Variants in BICDL1 observed in about 807,000 individuals in gnomAD.
BICDL1 encodes the protein BICD family like cargo adaptor 1, also known as BICD family-like cargo adapter 1.
A neutral mutation model predicts 76.8 loss-of-function variants in BICDL1; 20 were observed. The ratio of observed to expected loss-of-function variants is 0.26; its 90% CI spans 0.18 to 0.38. The LOEUF is 0.38. Among genes scored for constraint, BICDL1 ranks in the 10% least tolerant of loss-of-function variants. The probability of loss-of-function intolerance (pLI) is 1.00; values close to 1 mark genes in which losing one functional copy is unlikely to be tolerated. For missense variants in BICDL1, 700 were observed against 798.6 expected, an observed-to-expected ratio of 0.88 and a Z score of 1.49; for synonymous variants, 383 against 337.1, an observed-to-expected ratio of 1.14 and a Z score of -1.49.
chr12:120,077,395 C>T (rs2138969908), intron 7 of BICDL1, among the ~76,000 whole-genome samples: 1 of 152,288 alleles, frequency 6.6e-6, no homozygotes, highest in South Asian at 2.1e-4. Flanking sequence ...AAGTGGCCCA[C>T]CCCTCACCTC....
At position 120,071,298 on chromosome 12, in the gene BICDL1, C is replaced by A. The variant is rs912100382; in HGVS notation, c.910-324C>A. Among the ~76,000 whole-genome samples, 1 of 151,582 alleles carries A rather than the reference C, an allele frequency of 6.6e-6. No individual in the cohort carries two copies. Among genetic ancestry groups the A allele is most frequent in the African/African-American group, 2.4e-5 (1 of 41,240 alleles). ...CTGGGATTTCAGGTACCCGCCACCACGCCCAGCTAATTTTTGTATTTTTAG... is the reference window on the plus strand; with the variant it reads ...CTGGGATTTCAGGTACCCGCCACCAAGCCCAGCTAATTTTTGTATTTTTAG... On this transcript the variant is annotated intron_variant, in intron 4 of 9. Coordinates refer to ENST00000548673, the MANE Select transcript of BICDL1 (RefSeq NM_001367886.1). The surrounding 1 kb of genome is among the most constrained non-coding windows in gnomAD (Gnocchi z 4.8).
intron 2 of BICDL1, among the ~76,000 whole-genome samples, chr12:120,013,008 A>G (rs933530507): frequency 3.9e-5 from 6 of 152,126 alleles, no homozygotes; most frequent in Non-Finnish European, 8.8e-5. Context: ...CTCTTAATTT[A>G]TCTAAGTTAT....
At chr12:120,092,017 G>A in intron 9 of BICDL1, 1 of 985,438 alleles carries the variant, frequency 1.0e-6, no homozygotes, top group Middle Eastern at 5.2e-4. Context: ...ATGCCGCAGA[G>A]CCTGCCAGGT....
chr12:120,083,020 G>C (rs182927943), intron 8 of BICDL1, among the ~76,000 whole-genome samples: 1 of 150,282 alleles, frequency 6.7e-6, no homozygotes, highest in East Asian at 2.0e-4. Flanking sequence ...ACACCACCAC[G>C]CCTGGCTAAG....
intron 2 of BICDL1, among the ~76,000 whole-genome samples, chr12:120,006,749 A>C (rs1354277439): frequency 6.6e-6 from 1 of 152,172 alleles, no homozygotes; most frequent in Non-Finnish European, 1.5e-5. Flanking sequence ...TTAGGAGATG[A>C]GATCAGAGAG....
intron 4 of BICDL1, among the ~76,000 whole-genome samples, chr12:120,068,462 A>G (rs928878024): frequency 3.3e-5 from 5 of 152,184 alleles, no homozygotes; most frequent in African/African-American, 9.7e-5. Context: ...ACTGATGACA[A>G]TTCTGCAACT....
chr12:119,997,187 C>T (rs746991438), intron 1 of BICDL1, among the ~76,000 whole-genome samples: 4 of 152,200 alleles, frequency 2.6e-5, no homozygotes, highest in Non-Finnish European at 4.4e-5. Flanking sequence ...ACCTCGTGAT[C>T]TGCCCTCCTT....
intron 2 of BICDL1, among the ~76,000 whole-genome samples, chr12:120,042,555 A>G (rs749626924): frequency 6.6e-6 from 1 of 152,162 alleles, no homozygotes; most frequent in Non-Finnish European, 1.5e-5. Context: ...CTGTAATCCC[A>G]GGACTTTGGG....
chr12:119,991,544 CA>C (rs1951523657), intron 1 of BICDL1, among the ~76,000 whole-genome samples: 1 of 152,112 alleles, frequency 6.6e-6, no homozygotes, highest in East Asian at 1.9e-4. Flanking sequence ...GGTAGACTGC[CA>C]AAAAGCAGCC....
At chr12:120,090,888 T>G (rs1302126972) in intron 9 of BICDL1, 4 of 1,288,422 alleles carry the variant, frequency 3.1e-6, no homozygotes, top group Admixed American at 4.6e-5. Context: ...ACCGCTGCTC[T>G]CTCTCTTCTC....
intron 2 of BICDL1, among the ~76,000 whole-genome samples, chr12:120,027,775 T>C (rs191375041): frequency 8.5e-5 from 13 of 152,344 alleles, no homozygotes; most frequent in African/African-American, 3.1e-4. Context: ...ATCCAAAATA[T>C]GTTTGGTCTC....
At chr12:120,066,887 G>A (rs759292260) in intron 4 of BICDL1, among the ~76,000 whole-genome samples, 6 of 152,200 alleles carry the variant, frequency 3.9e-5, no homozygotes, top group Non-Finnish European at 8.8e-5. Flanking sequence ...AAAGCTAGTG[G>A]CCTTGGAATG....
chr12:120,053,567 A>G (rs1042975856), intron 2 of BICDL1, among the ~76,000 whole-genome samples: 2 of 150,738 alleles, frequency 1.3e-5, no homozygotes, highest in Admixed American at 1.3e-4. Context: ...CTTCAGATTG[A>G]CTCCTGTGTC....
At position 120,049,778 on chromosome 12, in the gene BICDL1, T is replaced by G. The variant is rs117410627; in HGVS notation, c.646-11932T>G. Among the ~76,000 whole-genome samples, 562 of 152,384 alleles carry G rather than the reference T, an allele frequency of 3.7e-3. 11 individuals carry two copies. The South Asian group carries it at 0.054, about 15-fold the overall frequency. ...TTCCATCTTTATCTCTGTATTGTAGTGTAGATAATTCCTTCTGACTAGTCT... is the reference window on the plus strand; with the variant it reads ...TTCCATCTTTATCTCTGTATTGTAGGGTAGATAATTCCTTCTGACTAGTCT... On this transcript the variant is annotated intron_variant, in intron 2 of 9. Coordinates refer to ENST00000548673, the MANE Select transcript of BICDL1 (RefSeq NM_001367886.1).
intron 2 of BICDL1, among the ~76,000 whole-genome samples, chr12:120,000,814 A>G (rs1225404226): frequency 6.6e-6 from 1 of 152,236 alleles, no homozygotes; most frequent in African/African-American, 2.4e-5. Context: ...AAATGGGTGT[A>G]AAAATTATGC....
At chr12:120,013,470 G>A (rs1951998238) in intron 2 of BICDL1, among the ~76,000 whole-genome samples, 1 of 151,330 alleles carries the variant, frequency 6.6e-6, no homozygotes, top group South Asian at 2.1e-4. Context: ...GTGTGTGTGT[G>A]TGTGTGTGTG....
chr12:120,016,197 T>A (rs1952056519), intron 2 of BICDL1, among the ~76,000 whole-genome samples: 1 of 152,224 alleles, frequency 6.6e-6, no homozygotes, highest in African/African-American at 2.4e-5. Context: ...TAGCATCACG[T>A]CTGTGAGGTT....
In BICDL1 at chr12:120,071,918, C is replaced by T. The variant is rs548305046; in HGVS notation, c.1089+117C>T. The T allele has an allele frequency of 3.6e-4, 509 of 1,407,364 alleles. 1 individual carries two copies. The Middle Eastern group carries it at 3.7e-3, about 10-fold the overall frequency. The allele number at this position is 1,407,364 out of a possible 1,614,324, so 87.2% of individuals were successfully genotyped here. A position where few individuals can be genotyped will look rare whatever the true frequency, so the allele number is the denominator to read the frequency against. On this transcript the variant is annotated intron_variant, in intron 5 of 9. Coordinates refer to ENST00000548673, the MANE Select transcript of BICDL1 (RefSeq NM_001367886.1). This position sits in a 1 kb window ranked among gnomAD's most constrained non-coding sequence, Gnocchi z 4.8. ...GGCTGTGCCCCTGTGCCTGTGTCAG[C>T]CCCTTGGCCTGCTGGCTAGAGTGTC...
chr12:120,065,015 G>A, intron 4 of BICDL1, 136 bp downstream of exon 4: 1 of 950,648 alleles, frequency 1.1e-6, no homozygotes, highest in East Asian at 2.7e-5. Context: ...TCGCTGTGGG[G>A]CCTGGGGCAT....
Sources: allele counts gnomAD v4.1 joint callset (sites outside exome capture counted in the v4.1 genomes callset), GRCh38; gene constraint gnomAD v4.1.1; non-coding constraint Gnocchi (gnomAD v3.1); transcripts MANE v1.5; gene names NCBI Gene and HGNC (gene_info 2026-07-23, HGNC 2026-07-21).